Variants in SLC26A3 observed in about 807,000 individuals in gnomAD.
The protein encoded by SLC26A3 is solute carrier family 26 member 3, also known as chloride anion exchanger.
Under a neutral mutation model 85.6 loss-of-function variants are expected in SLC26A3, and 64 were observed. The observed-to-expected ratio is 0.75, with a 90% CI of 0.61 to 0.92. SLC26A3 has a LOEUF of 0.92. Ranked by LOEUF, SLC26A3 falls within the 40% of genes least tolerant of loss-of-function variation. The pLI is 0.00. For missense variants in SLC26A3, 922 were observed against 927.3 expected (o/e 0.99, Z 0.07); for synonymous variants, 349 against 336.0 (o/e 1.04, Z -0.42).
At chr7:107,778,360 C>CAATTTTTTTTTTT in intron 12 of SLC26A3, 79 bp from the exon 13 acceptor site, 1 of 461,452 alleles carries the variant, frequency 2.2e-6, no homozygotes, top group Non-Finnish European at 3.7e-6. Flanking sequence ...TTTAAAAAGA[C>CAATTTTTTTTTTT]TTTTTTTTTT....
At chr7:107,769,229 A>G (rs1793964447) in intron 18 of SLC26A3, among the ~76,000 whole-genome samples, 1 of 152,196 alleles carries the variant, frequency 6.6e-6, no homozygotes, top group African/African-American at 2.4e-5. Context: ...ATTACTGGAT[A>G]TATACCCAAA....
rs772723797 is a variant in SLC26A3 at position 107,791,185 on chromosome 7, C to T, written c.433G>A (p.Val145Ile). The change falls in exon 5 of 21, where the codon GTT (valine) becomes ATT (isoleucine). Residue 145 changes from valine (V) to isoleucine (I), a missense_variant. By Grantham distance (29) the Val-to-Ile change is conservative. Transcript: ENST00000340010. ...MMVGLAVSGA[V>I]SKAVPDRNAT... ...TTGCGATCTGGGACTGCTTTTGAAA[C>T]TGCTCCTGAAACTGCTAGTCCCACC... 6.2e-7 allele frequency: 1 copy of T among 1,614,196 alleles called. No homozygotes were observed. Among genetic ancestry groups the T allele is most frequent in the Admixed American group, 1.7e-5 (1 of 60,022 alleles).
intron 11 of SLC26A3, 124 bp from the exon 12 acceptor site, chr7:107,779,887 C>G (rs1042246730): frequency 2.5e-6 from 2 of 797,288 alleles, no homozygotes; most frequent in African/African-American, 3.4e-5. Context: ...AGCATTACAC[C>G]CTTTTCCGGT....
Position 107,787,726 on chromosome 7 carries a change from A to T in SLC26A3, c.736-217T>A, listed in dbSNP as rs115795081. ...TAAGTTAGCATAGTGTAGGTGGCAC[A>T]CTAGTTTAAGAATGCTTCTGGCATT... On this transcript the variant is annotated intron_variant, in intron 6 of 20. Transcript: ENST00000340010. Among the ~76,000 whole-genome samples the T allele has an allele frequency of 8.0e-3, 1,215 of 152,324 alleles. 14 individuals carry two copies. The highest frequency in any genetic ancestry group is 0.026 in the African/African-American group (1,081 of 41,560).
chr7:107,791,372 G>A (rs1374375172), intron 4 of SLC26A3, 137 bp from the exon 5 acceptor site: 2 of 915,446 alleles, frequency 2.2e-6, no homozygotes, highest in Non-Finnish European at 3.6e-6. Context: ...AGCACTTTGG[G>A]AGGCCGAGGC....
At position 107,802,764 on chromosome 7, in the gene SLC26A3, C is replaced by T. The variant is rs1342076272; in HGVS notation, c.-89+347G>A. 6.5e-5 allele frequency among the ~76,000 whole-genome samples: 8 copies of T among 123,622 alleles called. No homozygotes were observed. In the South Asian group the frequency reaches 2.0e-3, roughly 30 times the overall value. The allele number at this position is 123,622 out of a possible 152,430, so 81.1% of individuals were successfully genotyped here. Reference sequence around the variant, plus strand: ...TTGCTTTTTTTTTTTTTTTTTTTGCCAACCCTCAGAGCAGACAATCTATCT... The same window carrying T: ...TTGCTTTTTTTTTTTTTTTTTTTGCTAACCCTCAGAGCAGACAATCTATCT... On this transcript the variant is annotated intron_variant, in intron 1 of 20. Transcript: ENST00000340010.
intron 8 of SLC26A3, 90 bp downstream of exon 8, chr7:107,786,737 C>T: frequency 9.3e-7 from 1 of 1,076,260 alleles, no homozygotes; most frequent in Non-Finnish European, 1.4e-6. Flanking sequence ...TACCTGCAGG[C>T]TGAACTGCAG....
chr7:107,774,912 T>C, intron 15 of SLC26A3, 40 bp from the exon 16 acceptor site: 4 of 1,439,156 alleles, frequency 2.8e-6, no homozygotes, highest in Non-Finnish European at 3.9e-6. Flanking sequence ...TACTGAATAT[T>C]CTGTTATTTA....
intron 8 of SLC26A3, 83 bp from the exon 9 acceptor site, chr7:107,783,435 G>A: frequency 1.4e-6 from 2 of 1,475,948 alleles, no homozygotes; most frequent in South Asian, 1.1e-5. Flanking sequence ...ATGAATGAAT[G>A]CAATCTAGGC....
chr7:107,774,847 A>G lies in SLC26A3; in HGVS notation c.1703T>C (p.Leu568Pro), dbSNP rs1794085186. The change falls in exon 16 of 21, where the codon CTA becomes CCA. Residue 568 changes from leucine to proline, a missense_variant. Coordinates refer to ENST00000340010, the MANE Select transcript of SLC26A3 (RefSeq NM_000111.3). ...CCTCAAAGCTTTGTTGCGCTTGCGTAGAATTCGAAGTGGACTAAAGCCAAC... is the reference window on the plus strand; with the variant it reads ...CCTCAAAGCTTTGTTGCGCTTGCGTGGAATTCGAAGTGGACTAAAGCCAAC... ...DAVGFSPLRI[L>P]RKRNKALRKI... 1 of 1,614,164 alleles carries G rather than the reference A, an allele frequency of 6.2e-7. No homozygotes were observed. Among genetic ancestry groups the G allele is most frequent in the East Asian group, 2.2e-5 (1 of 44,878 alleles).
intron 12 of SLC26A3, among the ~76,000 whole-genome samples, 155 bp downstream of exon 12, chr7:107,779,513 A>G (rs971385208): frequency 2.6e-5 from 4 of 152,234 alleles, no homozygotes; most frequent in African/African-American, 9.6e-5. Context: ...AGAATATGCA[A>G]TTTAAAAATA....
At chr7:107,800,821 G>A (rs994460450) in intron 1 of SLC26A3, among the ~76,000 whole-genome samples, 1 of 152,246 alleles carries the variant, frequency 6.6e-6, no homozygotes, top group African/African-American at 2.4e-5. Context: ...GGAAGGTTTT[G>A]TGAAGGAACT....
chr7:107,796,373 C>T (rs549845300), intron 1 of SLC26A3, among the ~76,000 whole-genome samples: 1 of 152,270 alleles, frequency 6.6e-6, no homozygotes, highest in African/African-American at 2.4e-5. Flanking sequence ...TCCCAAGTTG[C>T]TGATAGGTGC....
At chr7:107,803,069 G>A (rs1366748646) in intron 1 of SLC26A3, 42 bp downstream of exon 1, 1 of 152,236 alleles carries the variant, frequency 6.6e-6, no homozygotes, top group Non-Finnish European at 1.5e-5. Context: ...TCAAGGAACA[G>A]AAAACCAGTT....
intron 6 of SLC26A3, among the ~76,000 whole-genome samples, chr7:107,788,772 CTT>C (rs1183192106): frequency 1.5e-5 from 2 of 136,200 alleles, no homozygotes; most frequent in African/African-American, 5.4e-5. Context: ...TTTTCTTTTT[CTT>C]TTTTCTTTTC....
At chr7:107,790,098 A>T (rs985622290) in intron 5 of SLC26A3, among the ~76,000 whole-genome samples, 3 of 152,236 alleles carry the variant, frequency 2.0e-5, no homozygotes, top group African/African-American at 7.2e-5. Flanking sequence ...AGCACGCATG[A>T]GCGAGTGTCT....
At chr7:107,793,262 G>T (rs555406068) in intron 3 of SLC26A3, among the ~76,000 whole-genome samples, 47 of 152,284 alleles carry the variant, frequency 3.1e-4, no homozygotes, top group African/African-American at 8.4e-4. Flanking sequence ...ATTGAAGCAT[G>T]CTCACACAAA....
intron 18 of SLC26A3, 63 bp from the exon 19 acceptor site, chr7:107,767,971 G>C: frequency 6.6e-7 from 1 of 1,505,942 alleles, no homozygotes; most frequent in South Asian, 1.1e-5. Context: ...GTTTCCCCTT[G>C]AGGCTAGTAA....
chr7:107,796,920 T>C (rs1024991098), intron 1 of SLC26A3, among the ~76,000 whole-genome samples: 4 of 152,220 alleles, frequency 2.6e-5, no homozygotes, highest in African/African-American at 9.6e-5. Context: ...ATTAGTTGTC[T>C]TCCCCAAAAA....
Sources: allele counts gnomAD v4.1 joint callset (sites outside exome capture counted in the v4.1 genomes callset), GRCh38; gene constraint gnomAD v4.1.1; transcripts MANE v1.5; gene names NCBI Gene and HGNC (gene_info 2026-07-23, HGNC 2026-07-21).